Variants in RNF10 observed in about 807,000 individuals in gnomAD.
RNF10 encodes ring finger protein 10, also known as E3 ubiquitin-protein ligase RNF10.
A neutral mutation model predicts 91.4 loss-of-function variants in RNF10; 38 were observed. The ratio of observed to expected loss-of-function variants is 0.42; its 90% confidence interval spans 0.32 to 0.54. The LOEUF (loss-of-function observed/expected upper bound fraction) is 0.54, where lower values mean the gene tolerates loss of function less well. RNF10 is among the 20% of genes least tolerant of loss of function. The pLI is 0.16. For synonymous variants in RNF10, 364 were observed against 366.3 expected, an observed-to-expected ratio of 0.99 and a Z score of 0.07; for missense variants, 945 against 1,012.0, an observed-to-expected ratio of 0.93 and a Z score of 0.90.
rs1040479399 is a variant in RNF10, at chr12:120,534,387, C to G, written c.-425C>G. 5.9e-6 allele frequency: 1 copy of G among 169,026 alleles called. No individual in the cohort carries two copies. The highest frequency in any genetic ancestry group is 2.4e-5 in the African/African-American group (1 of 41,546). 10.5% of individuals were successfully genotyped at this position (169,026 alleles called of 1,614,324 possible). A position where few individuals can be genotyped will look rare whatever the true frequency, so the allele number is the denominator to read the frequency against. On this transcript the variant is annotated 5_prime_UTR_variant, in exon 1 of 17. Coordinates refer to ENST00000325954, the MANE Select transcript of RNF10 (RefSeq NM_014868.5). Reference sequence around the variant, plus strand: ...TGGCGACTCGTCGCCATTCCCGGAGCAGGTCGGCCTCGGCCCAGGGGCGAG... The same window carrying G: ...TGGCGACTCGTCGCCATTCCCGGAGGAGGTCGGCCTCGGCCCAGGGGCGAG...
In RNF10 at chr12:120,576,788, A is replaced by C; in HGVS notation, c.*122A>C. Reference sequence around the variant, plus strand: ...GTTTGAACAGATTAGCTCTGGGGGGAGGGGGTTTCCACAATGTGAGGGGGA... The same window carrying C: ...GTTTGAACAGATTAGCTCTGGGGGGCGGGGGTTTCCACAATGTGAGGGGGA... On this transcript the variant is annotated 3_prime_UTR_variant, in exon 17 of 17. Coordinates refer to ENST00000325954, the MANE Select transcript of RNF10 (RefSeq NM_014868.5). 7.3e-7 allele frequency: 1 copy of C among 1,368,196 alleles called. No individual in the cohort carries two copies. Among genetic ancestry groups the C allele is most frequent in the Non-Finnish European group, 9.9e-7 (1 of 1,010,046 alleles). 84.8% of individuals were successfully genotyped at this position (1,368,196 alleles called of 1,614,324 possible). A position where few individuals can be genotyped will look rare whatever the true frequency, so the allele number is the denominator to read the frequency against.
At chr12:120,573,585 C>CAA (rs113333301) in intron 14 of RNF10, among the ~76,000 whole-genome samples, 138 of 138,856 alleles carry the variant, frequency 9.9e-4, no homozygotes, top group African/African-American at 3.0e-3. Flanking sequence ...AGTCATTTAT[C>CAA]AAAAAAAAAA....
chr12:120,537,909 T>G lies in RNF10; in HGVS notation c.157+2941T>G, dbSNP rs570760896. Among the ~76,000 whole-genome samples the G allele has an allele frequency of 3.9e-5, 6 of 152,230 alleles. No individual in the cohort carries two copies. The South Asian group carries it at 1.2e-3, about 32-fold the overall frequency. ...TTAGGAAACTGGATATTGGCTGATT[T>G]TTAAAGTTGAAACTAAGCTGCCTTA... On this transcript the variant is annotated intron_variant, in intron 1 of 16. Coordinates refer to ENST00000325954, the MANE Select transcript of RNF10 (RefSeq NM_014868.5).
chr12:120,558,605 G>A (rs1056198020), intron 6 of RNF10, among the ~76,000 whole-genome samples: 1 of 151,308 alleles, frequency 6.6e-6, no homozygotes, highest in Admixed American at 6.6e-5. Context: ...GTCTGGCTCT[G>A]TCACCCAGGC....
intron 1 of RNF10, among the ~76,000 whole-genome samples, chr12:120,537,075 A>G (rs912896267): frequency 7.9e-5 from 12 of 152,162 alleles, no homozygotes; most frequent in African/African-American, 2.4e-4. Context: ...CTGGGTGGCT[A>G]TAATCCCAGC....
chr12:120,573,585 CAA>C (rs113333301), intron 14 of RNF10, among the ~76,000 whole-genome samples: 14 of 138,810 alleles, frequency 1.0e-4, no homozygotes, highest in Non-Finnish European at 1.3e-4. Flanking sequence ...AGTCATTTAT[CAA>C]AAAAAAAAAA....
intron 6 of RNF10, among the ~76,000 whole-genome samples, chr12:120,558,209 T>C (rs1874309947): frequency 6.6e-6 from 1 of 152,204 alleles, no homozygotes; most frequent in Admixed American, 6.5e-5. Flanking sequence ...GATTCCTATT[T>C]CATACCATTC....
At chr12:120,539,162 A>G (rs540513253) in intron 1 of RNF10, among the ~76,000 whole-genome samples, 2 of 152,156 alleles carry the variant, frequency 1.3e-5, no homozygotes, top group African/African-American at 2.4e-5. Context: ...TCATGATTCT[A>G]TGAGGAAGTA....
At chr12:120,554,412 G>A (rs1159393604) in intron 3 of RNF10, 1 of 300,454 alleles carries the variant, frequency 3.3e-6, no homozygotes, top group Non-Finnish European at 6.4e-6. Context: ...GAGGAAATCT[G>A]GCTTACTGCT....
At chr12:120,572,043 A>G (rs1297863340) in intron 14 of RNF10, among the ~76,000 whole-genome samples, 2 of 150,268 alleles carry the variant, frequency 1.3e-5, no homozygotes, top group African/African-American at 4.9e-5. Context: ...AGGCTAGTGC[A>G]GAATCATTAT....
At chr12:120,573,790 A>C (rs1373135147) in intron 14 of RNF10, among the ~76,000 whole-genome samples, 1 of 152,134 alleles carries the variant, frequency 6.6e-6, no homozygotes, top group African/African-American at 2.4e-5. Flanking sequence ...CCCAGTTTCA[A>C]AATAGCCTTC....
At chr12:120,539,777 T>G (rs1871300402) in intron 1 of RNF10, among the ~76,000 whole-genome samples, 1 of 152,030 alleles carries the variant, frequency 6.6e-6, no homozygotes, top group African/African-American at 2.4e-5. Context: ...TTGGAATGTG[T>G]CTTGACAGTA....
At chr12:120,574,363 T>A (rs1382274556) in intron 14 of RNF10, 1 of 437,618 alleles carries the variant, frequency 2.3e-6, no homozygotes. Context: ...ATATTTGCAG[T>A]TGGGGCTCAT....
At position 120,552,515 on chromosome 12, in the gene RNF10, G is replaced by A. The variant is rs778892876; in HGVS notation, c.371G>A (p.Arg124Gln). 7.4e-6 allele frequency: 12 copies of A among 1,613,494 alleles called. No individual in the cohort carries two copies. The highest frequency in any genetic ancestry group is 1.6e-4 in the Middle Eastern group (1 of 6,084). ...TCTCTCTAGGTAGCAGAGGCTCAAC[G>A]GGCAGAGTTTAGCCCTGCCCAGTTC... is the stretch of plus-strand genomic sequence containing the variant. ...GRRDEVAEAQRAEFSPAQFSG... is the reference protein window; with the variant it reads ...GRRDEVAEAQQAEFSPAQFSG... The change falls in exon 3 of 17, where the codon CGG becomes CAG. Residue 124 changes from arginine (R) to glutamine (Q), a missense_variant. By Grantham distance (43) the Arg-to-Gln change is conservative. Transcript: ENST00000325954.
chr12:120,554,799 G>C lies in RNF10; in HGVS notation c.636G>C (p.Val212=). The C allele has an allele frequency of 5.6e-6, 9 of 1,613,586 alleles. No homozygotes were observed. Among genetic ancestry groups the C allele is most frequent in the Non-Finnish European group, 7.6e-6 (9 of 1,179,516 alleles). The part of the protein sequence containing the change: ...DPDTLVNWDF[V]EQVRICSHEV... ...ATACATTAGTTAACTGGGACTTTGT[G>C]GAACAAGTGGTGAGTAGCTCAGCCA... The change falls in exon 4 of 17, where the codon GTG becomes GTC. Residue 212 remains valine, a synonymous_variant. Coordinates refer to ENST00000325954, the MANE Select transcript of RNF10 (RefSeq NM_014868.5).
chr12:120,560,660 C>T (rs1432959864), intron 6 of RNF10, 66 bp from the exon 7 acceptor site: 5 of 1,489,376 alleles, frequency 3.4e-6, no homozygotes, highest in South Asian at 1.3e-5. Context: ...TTGAAAATTC[C>T]TATTTAGCTA....
rs1211774594 is a variant in RNF10 at position 120,566,981 on chromosome 12, G to C, written c.2041+1G>C. 1 of 1,594,832 alleles carries C rather than the reference G, an allele frequency of 6.3e-7. No homozygotes were observed. Among genetic ancestry groups the C allele is most frequent in the East Asian group, 2.2e-5 (1 of 44,730 alleles). ...AGCAGAAGTCCAGGTTCCCATGCAGGTAAACAGGTGAAATTTAATGAATTC... is the reference window on the plus strand; with the variant it reads ...AGCAGAAGTCCAGGTTCCCATGCAGCTAAACAGGTGAAATTTAATGAATTC... On this transcript the variant is annotated splice_donor_variant, in intron 13 of 16. Transcript: ENST00000325954. LOFTEE classifies it high-confidence loss of function.
At chr12:120,563,775 C>G in intron 9 of RNF10, 35 bp from the exon 10 acceptor site, 2 of 1,612,084 alleles carry the variant, frequency 1.2e-6, no homozygotes, top group Non-Finnish European at 8.5e-7. Flanking sequence ...GGGGACTGGC[C>G]AAGACTGGTG....
At chr12:120,548,452 G>A (rs1336658627) in intron 2 of RNF10, among the ~76,000 whole-genome samples, 2 of 152,170 alleles carry the variant, frequency 1.3e-5, no homozygotes, top group African/African-American at 4.8e-5. Flanking sequence ...AAGGTGATCA[G>A]TTTTGTCAAG....
Sources: allele counts gnomAD v4.1 joint callset (sites outside exome capture counted in the v4.1 genomes callset), GRCh38; gene constraint gnomAD v4.1.1; transcripts MANE v1.5; gene names NCBI Gene and HGNC (gene_info 2026-07-23, HGNC 2026-07-21).